The following ATRX variants were observed in gnomAD, a reference collection of about 807,000 sequenced individuals.
The protein encoded by ATRX is chromatin remodeler ATRX.
Under a neutral mutation model 172.6 loss-of-function variants are expected in ATRX, and 12 were observed. That is an observed-to-expected ratio of 0.07 (90% CI 0.04 to 0.11). The LOEUF (loss-of-function observed/expected upper bound fraction) is 0.11, where lower values mean the gene tolerates loss of function less well. Ranked by LOEUF, ATRX falls within the 10% of genes least tolerant of loss-of-function variation. The pLI is 1.00. For missense variants in ATRX, 1,368 were observed against 1,767.4 expected (o/e 0.77, Z 4.05); for synonymous variants, 674 against 594.7 (o/e 1.13, Z -1.94).
chrX:77,607,708 CAAAAAAAAAAAAA>C (rs35946932), intron 22 of ATRX, among the ~76,000 whole-genome samples: 2 of 41,161 alleles, frequency 4.9e-5, no homozygotes, highest in Non-Finnish European at 8.5e-5. Context: ...GACTCTGTCT[CAAAAAAAAAAAAA>C]AAAAAAAAAG....
At chrX:77,650,416 T>C in intron 15 of ATRX, among the ~76,000 whole-genome samples, 1 of 111,485 alleles carries the variant, frequency 9.0e-6, no homozygotes, top group East Asian at 2.8e-4. Flanking sequence ...AAACTCAGAA[T>C]ATAGAAAATT....
chrX:77,653,230 T>A (rs2069364730), intron 14 of ATRX, among the ~76,000 whole-genome samples: 1 of 111,385 alleles, frequency 9.0e-6, no homozygotes, highest in African/African-American at 3.3e-5. Flanking sequence ...AAACAGGGAC[T>A]CAGATATGTA....
At chrX:77,746,565 T>C (rs1488628384) in intron 1 of ATRX, among the ~76,000 whole-genome samples, 1 of 111,764 alleles carries the variant, frequency 8.9e-6, no homozygotes, top group Admixed American at 9.6e-5. Context: ...TCTAAATTAG[T>C]ACACACTCTC....
intron 12 of ATRX, among the ~76,000 whole-genome samples, chrX:77,659,482 TACACACAC>T (rs72145948): frequency 0.065 from 5,724 of 88,385 alleles, 187 homozygotes; most frequent in African/African-American, 0.12. Flanking sequence ...TTTCTCTCTC[TACACACAC>T]ACACACACAC....
intron 27 of ATRX, among the ~76,000 whole-genome samples, chrX:77,577,116 A>G (rs2065646641): frequency 9.0e-6 from 1 of 111,590 alleles, no homozygotes; most frequent in Admixed American, 9.5e-5. Context: ...CCTGAACTCA[A>G]TTCTTGTGGG....
Position 77,651,974 on chromosome X carries a change from T to C in ATRX, c.4557+140A>G, listed in dbSNP as rs2069266816. 5.4e-6 allele frequency: 3 copies of C among 554,127 alleles called. No individual in the cohort carries two copies. The Admixed American group carries it at 9.1e-5, about 17-fold the overall frequency. 45.7% of individuals were successfully genotyped at this position (554,127 alleles called of 1,213,427 possible). ...TAGAAATAAATTAAGGCTGGGTGTG[T>C]TGACTCACGCCTGTAATCCCAGAAG... is the stretch of plus-strand genomic sequence containing the variant. On this transcript the variant is annotated intron_variant, in intron 15 of 34. Coordinates refer to ENST00000373344, the MANE Select transcript of ATRX (RefSeq NM_000489.6).
At chrX:77,742,565 G>A (rs2074918614) in intron 1 of ATRX, among the ~76,000 whole-genome samples, 1 of 112,104 alleles carries the variant, frequency 8.9e-6, no homozygotes. Context: ...CCAGGTACAA[G>A]AGCTAAAATT....
chrX:77,577,858 C>T lies in ATRX; in HGVS notation c.6218-3500G>A, dbSNP rs151303016. Among the ~76,000 whole-genome samples the T allele has an allele frequency of 8.8e-3, 986 of 111,586 alleles. 13 individuals carry two copies. Among genetic ancestry groups the T allele is most frequent in the African/African-American group, 0.031 (947 of 30,680 alleles). The stretch of plus-strand genomic sequence containing the variant: ...AAACAGCAAATGTTATGACTATCTA[C>T]ACAAAAAAGCACCATCATAAGAAAC... On this transcript the variant is annotated intron_variant, in intron 27 of 34. Coordinates refer to ENST00000373344, the MANE Select transcript of ATRX (RefSeq NM_000489.6).
At chrX:77,667,337 GTGTGTA>G (rs1476428724) in intron 10 of ATRX, among the ~76,000 whole-genome samples, 13 of 84,480 alleles carry the variant, frequency 1.5e-4, no homozygotes, top group South Asian at 5.3e-4. Flanking sequence ...GTGTGTGTGT[GTGTGTA>G]TAAAATATGT....
chrX:77,539,898 A>G (rs1381303853), intron 30 of ATRX, among the ~76,000 whole-genome samples: 2 of 111,844 alleles, frequency 1.8e-5, no homozygotes, highest in African/African-American at 6.5e-5. Context: ...CTATGAAGAA[A>G]CTGCATCAAC....
chrX:77,604,671 T>C (rs1557089288), intron 22 of ATRX, among the ~76,000 whole-genome samples: 1 of 111,725 alleles, frequency 9.0e-6, no homozygotes, highest in African/African-American at 3.3e-5. Context: ...AATCATTATA[T>C]CAAAAACATA....
At chrX:77,632,812 G>A (rs1356508444) in intron 19 of ATRX, among the ~76,000 whole-genome samples, 21 of 111,715 alleles carry the variant, frequency 1.9e-4, no homozygotes, top group African/African-American at 6.2e-4. Flanking sequence ...CTTAAAAGGA[G>A]ATAAGCAAGC....
At chrX:77,536,119 T>C (rs1476224920) in intron 30 of ATRX, among the ~76,000 whole-genome samples, 5 of 110,492 alleles carry the variant, frequency 4.5e-5, no homozygotes, top group East Asian at 5.6e-4. Context: ...GGTGTGATTA[T>C]GTACTACATA....
intron 19 of ATRX, among the ~76,000 whole-genome samples, chrX:77,620,822 T>G (rs1484740259): frequency 1.8e-5 from 2 of 111,603 alleles, no homozygotes; most frequent in African/African-American, 6.5e-5. Context: ...AGGGAAAAAG[T>G]TCCCCCAACA....
intron 2 of ATRX, among the ~76,000 whole-genome samples, chrX:77,703,556 G>A (rs964904552): frequency 4.4e-5 from 5 of 112,457 alleles, no homozygotes; most frequent in African/African-American, 1.3e-4. Context: ...GCCCCAAAGA[G>A]GGAGTCACAG....
intron 28 of ATRX, 122 bp downstream of exon 28, chrX:77,574,128 C>A (rs2065519641): frequency 2.1e-6 from 1 of 481,169 alleles, no homozygotes; most frequent in Non-Finnish European, 3.6e-6. Context: ...CACTGTTTTG[C>A]AACCTGACTG....
chrX:77,762,963 T>C (rs1360228454), intron 1 of ATRX, among the ~76,000 whole-genome samples: 2 of 110,882 alleles, frequency 1.8e-5, no homozygotes, highest in East Asian at 5.6e-4. Flanking sequence ...TACCCCATAG[T>C]ATAGTTTGTT....
At chrX:77,589,807 T>C (rs781889078) in intron 27 of ATRX, 27 bp downstream of exon 27, 16 of 1,140,791 alleles carry the variant, frequency 1.4e-5, no homozygotes, top group Non-Finnish European at 1.8e-5. Context: ...TTTTTAAAAT[T>C]ACGACACAGA....
chrX:77,755,576 A>G (rs1399527051), intron 1 of ATRX, among the ~76,000 whole-genome samples: 1 of 111,645 alleles, frequency 9.0e-6, no homozygotes, highest in Non-Finnish European at 1.9e-5. Flanking sequence ...TTAGTTTTTC[A>G]TCTAACAGGC....
Sources: gnomAD v4.1 joint callset for allele counts (sites outside exome capture counted in the v4.1 genomes callset) on GRCh38, gnomAD v4.1.1 for gene constraint, MANE v1.5 for transcripts, NCBI Gene and HGNC (gene_info 2026-07-23, HGNC 2026-07-21) for gene names.